Variants in OPA3 observed in about 807,000 individuals in gnomAD.
The protein encoded by OPA3 is outer mitochondrial membrane lipid metabolism regulator OPA3, also known as optic atrophy 3 protein.
OPA3 carries 6 observed loss-of-function variants against 4.0 expected under a neutral mutation model. The ratio of observed to expected loss-of-function variants is 1.51; its 90% CI spans 0.83 to 2.99. OPA3 has a LOEUF of 2.99. Ranked by LOEUF, OPA3 falls within the 30% of genes most tolerant of loss-of-function variation. The pLI, the probability that OPA3 is intolerant of heterozygous loss-of-function variation, is 0.00. For synonymous variants in OPA3, 105 were observed against 117.1 expected, an observed-to-expected ratio of 0.90 and a Z score of 0.67; for missense variants, 235 against 256.2, an observed-to-expected ratio of 0.92 and a Z score of 0.56.
At position 45,561,422 on chromosome 19, in the gene OPA3, G is replaced by A. The variant is rs144971549; in HGVS notation, c.143-7511C>T. On this transcript the variant is annotated intron_variant, in intron 1 of 1. Transcript: ENST00000263275. ...TACGATGGCTGCTTCCTTGTAAAAT[G>A]AAGGGAAGGTATTCCTCATAGGGTC... 1.6e-3 allele frequency among the ~76,000 whole-genome samples: 246 copies of A among 152,308 alleles called. 2 individuals carry two copies. The highest frequency in any genetic ancestry group is 8.9e-3 in the South Asian group (43 of 4,828).
chr19:45,577,657 G>T (rs756014421), intron 1 of OPA3, among the ~76,000 whole-genome samples: 10 of 152,286 alleles, frequency 6.6e-5, no homozygotes, highest in Middle Eastern at 3.4e-3. Context: ...GAAAAGGAAA[G>T]GTTCTTGACA....
intron 1 of OPA3, among the ~76,000 whole-genome samples, chr19:45,531,035 C>A (rs554329544): frequency 4.0e-4 from 60 of 150,238 alleles, no homozygotes; most frequent in Non-Finnish European, 6.8e-4. Flanking sequence ...AGTGATCCAC[C>A]CGCCTCAGCC....
chr19:45,550,209 C>A lies in OPA3; in HGVS notation c.*3305G>T. 1.0e-6 allele frequency: 1 copy of A among 985,216 alleles called. No individual in the cohort carries two copies. Among genetic ancestry groups the A allele is most frequent in the Non-Finnish European group, 1.2e-6 (1 of 829,820 alleles). The allele number at this position is 985,216 out of a possible 1,614,324, so 61.0% of individuals were successfully genotyped here. On this transcript the variant is annotated 3_prime_UTR_variant, in exon 2 of 2. Coordinates refer to ENST00000263275, the MANE Select transcript of OPA3 (RefSeq NM_025136.4). ...AAAGAAGAAAAGAAAAGTTTCAGAA[C>A]CTGTTTCTTGGCTTTCTATCTGGGC...
rs893323079 is a variant in OPA3, at chr19:45,548,897, G to A, written c.*4617C>T. 25 of 374,650 alleles carry A rather than the reference G, an allele frequency of 6.7e-5. No homozygotes were observed. The East Asian group carries it at 9.9e-4, about 15-fold the overall frequency. The allele number at this position is 374,650 out of a possible 1,614,324, so 23.2% of individuals were successfully genotyped here. On this transcript the variant is annotated 3_prime_UTR_variant, in exon 2 of 2. Coordinates refer to ENST00000263275, the MANE Select transcript of OPA3 (RefSeq NM_025136.4). Reference sequence around the variant, plus strand: ...CGGCTCACTGCAACCTCCGCCTCCCGGGTCCAAGAGATTCTCCTGCCTCAG... The same window carrying A: ...CGGCTCACTGCAACCTCCGCCTCCCAGGTCCAAGAGATTCTCCTGCCTCAG...
At chr19:45,545,106 A>G (rs138528184), downstream of OPA3, among the ~76,000 whole-genome samples, 4,509 of 139,792 alleles carry the variant, frequency 0.032, 216 homozygotes, top group African/African-American at 0.11. Context: ...CAGAGGTTGT[A>G]GGGAGCCGAA....
intron 1 of OPA3, among the ~76,000 whole-genome samples, chr19:45,554,913 C>T (rs1969397946): frequency 6.6e-6 from 1 of 152,178 alleles, no homozygotes; most frequent in South Asian, 2.1e-4. Flanking sequence ...GCCTCAGTCT[C>T]CTGAGTAGCT....
intron 1 of OPA3, among the ~76,000 whole-genome samples, chr19:45,581,322 C>T (rs1969852113): frequency 6.6e-6 from 1 of 152,156 alleles, no homozygotes. Flanking sequence ...AAAAAAAGTG[C>T]ACTCCCTTAA....
chr19:45,541,587 A>C (rs2122397318), downstream of OPA3, among the ~76,000 whole-genome samples: 1 of 152,102 alleles, frequency 6.6e-6, no homozygotes, highest in Non-Finnish European at 1.5e-5. Flanking sequence ...TTTTTGGAGA[A>C]AGAGTCTCAG....
At chr19:45,537,393 T>A (rs1477765359) in intron 1 of OPA3, among the ~76,000 whole-genome samples, 2 of 32,612 alleles carry the variant, frequency 6.1e-5, no homozygotes, top group Non-Finnish European at 9.1e-5. Context: ...CAAGACTCTG[T>A]CTCAAAAAAA....
chr19:45,570,075 G>T (rs960913212), intron 1 of OPA3, among the ~76,000 whole-genome samples: 3 of 152,178 alleles, frequency 2.0e-5, no homozygotes, highest in African/African-American at 7.2e-5. Flanking sequence ...CCATCCCCAG[G>T]CTGACACGGG....
intron 1 of OPA3, among the ~76,000 whole-genome samples, chr19:45,581,625 A>G (rs1032666552): frequency 1.3e-5 from 2 of 152,238 alleles, no homozygotes; most frequent in African/African-American, 4.8e-5. Flanking sequence ...GGCACAGGGC[A>G]GAGGCTCACA....
chr19:45,580,650 G>A (rs549673696), intron 1 of OPA3, among the ~76,000 whole-genome samples: 34 of 144,208 alleles, frequency 2.4e-4, no homozygotes, highest in Admixed American at 6.3e-4. Context: ...ACAGAGTCTC[G>A]CTCTGTCGCC....
In OPA3 at chr19:45,584,770, C is replaced by T; in HGVS notation, c.-6G>A. ...GGGAACGCGCCCACCACCATCTTGG[C>T]GGTCTCACAGGGCACGCGCAACCTT... On this transcript the variant is annotated 5_prime_UTR_variant, in exon 1 of 2. Coordinates refer to ENST00000263275, the MANE Select transcript of OPA3 (RefSeq NM_025136.4). The T allele has an allele frequency of 6.2e-7, 1 of 1,613,514 alleles. No individual in the cohort carries two copies. The highest frequency in any genetic ancestry group is 8.5e-7 in the Non-Finnish European group (1 of 1,180,008).
intron 1 of OPA3, among the ~76,000 whole-genome samples, chr19:45,563,263 C>T (rs10411372): frequency 0.011 from 1,742 of 152,250 alleles, 39 homozygotes; most frequent in African/African-American, 0.039. Context: ...AGGTTCACAC[C>T]GTTCTCCTGC....
Position 45,552,214 on chromosome 19 carries a change from T to C in OPA3, c.*1300A>G, listed in dbSNP as rs926496222. 26 of 964,452 alleles carry C rather than the reference T, an allele frequency of 2.7e-5. No individual in the cohort carries two copies. The highest frequency in any genetic ancestry group is 3.1e-5 in the Non-Finnish European group (25 of 817,588). 59.7% of individuals were successfully genotyped at this position (964,452 alleles called of 1,614,324 possible). A position where few individuals can be genotyped will look rare whatever the true frequency, so the allele number is the denominator to read the frequency against. On this transcript the variant is annotated 3_prime_UTR_variant, in exon 2 of 2. Coordinates refer to ENST00000263275, the MANE Select transcript of OPA3 (RefSeq NM_025136.4). ...GGATTGACTGCAGGCCAGGACCTTT[T>C]GTGGGTTTTTTTAAGATGGAGTTTT...
downstream of OPA3, among the ~76,000 whole-genome samples, chr19:45,545,164 C>CAA (rs779193252): frequency 0.093 from 3,683 of 39,534 alleles, 393 homozygotes; most frequent in South Asian, 0.12. Context: ...GACACCGTCT[C>CAA]AAAAAAAAAA....
At chr19:45,538,852 T>C (rs918421184) in intron 1 of OPA3, among the ~76,000 whole-genome samples, 1 of 152,188 alleles carries the variant, frequency 6.6e-6, no homozygotes, top group African/African-American at 2.4e-5. Flanking sequence ...CACTAATGCT[T>C]CCAAAGTTTC....
chr19:45,557,318 G>T (rs1253999098), intron 1 of OPA3, among the ~76,000 whole-genome samples: 1 of 152,128 alleles, frequency 6.6e-6, no homozygotes, highest in Admixed American at 6.5e-5. Flanking sequence ...CAGAGCAGGG[G>T]CCGACGGCAT....
intron 1 of OPA3, among the ~76,000 whole-genome samples, chr19:45,557,270 A>G (rs1239434080): frequency 2.6e-5 from 4 of 152,062 alleles, no homozygotes; most frequent in Non-Finnish European, 5.9e-5. Context: ...GTGTGTGTGC[A>G]CGCGTGTGTG....
Sources: allele counts gnomAD v4.1 joint callset (sites outside exome capture counted in the v4.1 genomes callset), GRCh38; gene constraint gnomAD v4.1.1; transcripts MANE v1.5; gene names NCBI Gene and HGNC (gene_info 2026-07-23, HGNC 2026-07-21).